TNS3: variants seen among roughly 807,000 people sequenced by gnomAD.
The protein encoded by TNS3 is tensin-3.
Under a neutral mutation model 140.9 loss-of-function variants are expected in TNS3, and 45 were observed. The observed-to-expected ratio is 0.32, with a 90% CI of 0.25 to 0.41. The LOEUF is 0.41. Among genes scored for constraint, TNS3 ranks in the 10% least tolerant of loss-of-function variants. The pLI, the probability that TNS3 is intolerant of heterozygous loss-of-function variation, is 1.00. For synonymous variants in TNS3, 815 were observed against 788.4 expected (o/e 1.03, Z -0.56); for missense variants, 1,716 against 1,906.7 (o/e 0.90, Z 1.86).
intron 20 of TNS3, among the ~76,000 whole-genome samples, chr7:47,317,454 A>G (rs1787477798): frequency 1.3e-5 from 2 of 152,246 alleles, no homozygotes; most frequent in Admixed American, 1.3e-4. Flanking sequence ...CAGACTGGAA[A>G]GAAAACACAT....
At chr7:47,408,603 G>A (rs563872628) in intron 13 of TNS3, among the ~76,000 whole-genome samples, 8 of 152,274 alleles carry the variant, frequency 5.3e-5, no homozygotes, top group African/African-American at 1.2e-4. Flanking sequence ...TCTGCCAGGC[G>A]CTGTCCTGGG....
rs1784906716 is a variant in TNS3 at position 47,277,208 on chromosome 7, GGCAGGCTGCA to G, written c.*858_*867del. ...GACAAGCCTCACAAAATCACAGCTT[GGCAGGCTGCA>G]GCATTTGACACTGGTACAGTATAGC... On this transcript the variant is annotated 3_prime_UTR_variant, in exon 31 of 31. Transcript: ENST00000311160. 1 of 152,278 alleles carries G rather than the reference GGCAGGCTGCA, an allele frequency of 6.6e-6. No individual in the cohort carries two copies. Among genetic ancestry groups the G allele is most frequent in the South Asian group, 2.1e-4 (1 of 4,834 alleles). 9.4% of individuals were successfully genotyped at this position (152,278 alleles called of 1,614,324 possible).
chr7:47,448,222 A>T (rs561721828), intron 4 of TNS3, among the ~76,000 whole-genome samples: 1 of 152,348 alleles, frequency 6.6e-6, no homozygotes, highest in South Asian at 2.1e-4. Context: ...GCACTCACCC[A>T]TGTGGGGCAT....
intron 24 of TNS3, 32 bp from the exon 25 acceptor site, chr7:47,293,860 T>A (rs1429764597): frequency 2.5e-6 from 4 of 1,606,538 alleles, no homozygotes; most frequent in Non-Finnish European, 3.4e-6. Context: ...AAGAAGAATT[T>A]TTTGAAAATG....
Position 47,435,488 on chromosome 7 carries a change from G to A in TNS3, c.202-84C>T, listed in dbSNP as rs79334980. 4,734 of 1,580,350 alleles carry A rather than the reference G, an allele frequency of 3.0e-3. 118 individuals are homozygous for A. The African/African-American group carries it at 0.057, about 19-fold the overall frequency. ...CTCACAATGACTTCTTTCATCATCA[G>A]TACATTTCATTTGGGAGTAAAGAAC... is the stretch of plus-strand genomic sequence containing the variant. On this transcript the variant is annotated intron_variant, in intron 7 of 30. Transcript: ENST00000311160.
chr7:47,518,008 A>T (rs534246168), intron 2 of TNS3, among the ~76,000 whole-genome samples: 184 of 152,326 alleles, frequency 1.2e-3, no homozygotes, highest in African/African-American at 4.4e-3. Flanking sequence ...GTCAACAATA[A>T]TCAATCAATC....
At chr7:47,428,266 C>T (rs1799370) in intron 9 of TNS3, 46 bp downstream of exon 9, 561,293 of 1,338,896 alleles carry the variant, frequency 0.42, 118,830 homozygotes, top group Non-Finnish European at 0.43. Context: ...CCATGCAGGC[C>T]CAGCTTTTAG....
chr7:47,498,520 C>A (rs1454018713), intron 3 of TNS3, among the ~76,000 whole-genome samples: 1 of 152,158 alleles, frequency 6.6e-6, no homozygotes, highest in African/African-American at 2.4e-5. Flanking sequence ...TCATCTGTTA[C>A]AACACAATGT....
At chr7:47,349,298 C>T (rs760689427) in intron 17 of TNS3, among the ~76,000 whole-genome samples, 13 of 152,174 alleles carry the variant, frequency 8.5e-5, no homozygotes, top group Admixed American at 5.9e-4. Context: ...TCTTACTGTC[C>T]CACCTCCGGT....
chr7:47,569,801 C>A (rs1800511728), intron 1 of TNS3, among the ~76,000 whole-genome samples: 1 of 151,414 alleles, frequency 6.6e-6, no homozygotes. Flanking sequence ...ATGCAGTGAG[C>A]CGAGATGGTG....
At chr7:47,355,307 G>A (rs978761759) in intron 17 of TNS3, among the ~76,000 whole-genome samples, 6 of 152,216 alleles carry the variant, frequency 3.9e-5, no homozygotes, top group Admixed American at 2.6e-4. Context: ...TCAGCCCCAG[G>A]TGCATCCTAT....
chr7:47,428,056 A>AT (rs547880108), intron 9 of TNS3, among the ~76,000 whole-genome samples: 1 of 152,028 alleles, frequency 6.6e-6, no homozygotes, highest in African/African-American at 2.4e-5. Context: ...GGGGTCACTT[A>AT]TTTTTTTAAT....
intron 3 of TNS3, among the ~76,000 whole-genome samples, chr7:47,490,499 C>T (rs1797770189): frequency 6.6e-6 from 1 of 152,230 alleles, no homozygotes; most frequent in African/African-American, 2.4e-5. Context: ...CCTCTTGAGT[C>T]TGGGCTCGTC....
At chr7:47,344,885 A>G (rs1366085050) in intron 19 of TNS3, 39 bp downstream of exon 19, 2 of 1,612,538 alleles carry the variant, frequency 1.2e-6, no homozygotes, top group African/African-American at 1.3e-5. Flanking sequence ...CTCCTTGGGC[A>G]TGGAGCAGCA....
chr7:47,309,824 G>A (rs370361259), intron 20 of TNS3, among the ~76,000 whole-genome samples: 2 of 152,344 alleles, frequency 1.3e-5, no homozygotes, highest in East Asian at 3.9e-4. Flanking sequence ...GAAAGAGAGA[G>A]CATGTTAATT....
At chr7:47,542,654 G>A (rs556172679) in intron 1 of TNS3, among the ~76,000 whole-genome samples, 41 of 152,262 alleles carry the variant, frequency 2.7e-4, no homozygotes, top group African/African-American at 5.8e-4. Flanking sequence ...CTTTACGGCC[G>A]AGCACGGTGG....
intron 23 of TNS3, among the ~76,000 whole-genome samples, chr7:47,301,351 A>G (rs760200048): frequency 2.8e-4 from 43 of 152,134 alleles, no homozygotes; most frequent in Non-Finnish European, 4.9e-4. Flanking sequence ...TCTGAGGTAT[A>G]TCCCAGAAGC....
chr7:47,297,021 T>C (rs1170147439), intron 24 of TNS3, 61 bp downstream of exon 24: 21 of 1,566,154 alleles, frequency 1.3e-5, no homozygotes, highest in Non-Finnish European at 1.8e-5. Context: ...AGCCTAAAAA[T>C]AAACCAACAG....
intron 1 of TNS3, among the ~76,000 whole-genome samples, 158 bp from the exon 2 acceptor site, chr7:47,529,305 T>C (rs1799309942): frequency 1.3e-5 from 2 of 152,226 alleles, no homozygotes; most frequent in Non-Finnish European, 2.9e-5. Context: ...TTGGTGATGC[T>C]AAAATTCCCA....
Sources: gnomAD v4.1 joint callset for allele counts (sites outside exome capture counted in the v4.1 genomes callset) on GRCh38, gnomAD v4.1.1 for gene constraint, MANE v1.5 for transcripts, NCBI Gene and HGNC (gene_info 2026-07-23, HGNC 2026-07-21) for gene names.